The following DNAJC6 variants were observed in gnomAD, a reference collection of about 807,000 sequenced individuals.
DNAJC6 encodes the protein DnaJ heat shock protein family (Hsp40) member C6, also known as auxilin.
DNAJC6 carries 34 observed loss-of-function variants against 110.0 expected under a neutral mutation model. That is an observed-to-expected ratio of 0.31 (90% CI 0.24 to 0.41). The LOEUF (loss-of-function observed/expected upper bound fraction) is 0.41. DNAJC6 is among the 10% of genes least tolerant of loss of function. The pLI, the probability that DNAJC6 is intolerant of heterozygous loss-of-function variation, is 1.00. For synonymous variants in DNAJC6, 406 were observed against 437.2 expected (o/e 0.93, Z 0.89); for missense variants, 1,031 against 1,207.8 (o/e 0.85, Z 2.17).
At position 65,384,269 on chromosome 1, in the gene DNAJC6, C is replaced by T. The variant is rs1056086966; in HGVS notation, c.743C>T (p.Ala248Val). The T allele has an allele frequency of 3.1e-6, 5 of 1,588,688 alleles. No individual in the cohort carries two copies. The highest frequency in any genetic ancestry group is 2.7e-5 in the African/African-American group (2 of 73,492). The change falls in exon 6 of 19, where the codon GCC becomes GTC. Residue 248 changes from alanine (A) to valine (V), a missense_variant. Coordinates refer to ENST00000371069, the MANE Select transcript of DNAJC6 (RefSeq NM_001256864.2). Reference protein sequence around the residue: ...FCNLYSTPGPAIRLLYAKRPG... With the variant: ...FCNLYSTPGPVIRLLYAKRPG... ...AATCTCTACTCTACTCCTGGCCCAG[C>T]CATTCGATTGCTATATGCAAAGCGA...
chr1:65,397,429 AATC>A (rs1306569981), intron 13 of DNAJC6, among the ~76,000 whole-genome samples: 1 of 152,260 alleles, frequency 6.6e-6, no homozygotes, highest in Non-Finnish European at 1.5e-5. Context: ...ACAAATAAAT[AATC>A]ATAATAAAAG....
chr1:65,334,906 A>T (rs1052215421), intron 1 of DNAJC6, among the ~76,000 whole-genome samples: 1 of 152,186 alleles, frequency 6.6e-6, no homozygotes. Flanking sequence ...ACTTCTCATC[A>T]CCTACAAGAT....
intron 1 of DNAJC6, among the ~76,000 whole-genome samples, chr1:65,338,373 G>T (rs1487786069): frequency 6.6e-6 from 1 of 151,982 alleles, no homozygotes; most frequent in Non-Finnish European, 1.5e-5. Context: ...TGGTGGTGGT[G>T]GGGGTACTGG....
intron 14 of DNAJC6, among the ~76,000 whole-genome samples, chr1:65,400,144 C>T (rs145968904): frequency 6.1e-4 from 93 of 152,284 alleles, no homozygotes; most frequent in Non-Finnish European, 1.1e-3. Flanking sequence ...CACACCACTG[C>T]ACTCCAGCCT....
chr1:65,295,781 T>C (rs1046539081), intron 1 of DNAJC6, among the ~76,000 whole-genome samples: 3 of 152,322 alleles, frequency 2.0e-5, no homozygotes, highest in South Asian at 2.1e-4. Flanking sequence ...CGACTTAAGT[T>C]TTACTGAATT....
chr1:65,339,219 A>G (rs1298864427), intron 1 of DNAJC6, among the ~76,000 whole-genome samples: 3 of 152,164 alleles, frequency 2.0e-5, no homozygotes, highest in African/African-American at 4.8e-5. Flanking sequence ...TTGTTGTCCT[A>G]TTTCACAGAT....
At chr1:65,306,998 CTCTCTCTCTCTCTCTCTCTCTATATA>C (rs1442604371), upstream of DNAJC6, among the ~76,000 whole-genome samples, 8 of 122,846 alleles carry the variant, frequency 6.5e-5, no homozygotes, top group African/African-American at 2.5e-4. Context: ...CTCTCTCTCT[CTCTCTCTCTCTCTCTCTCTCTATATA>C]TATATATATA....
chr1:65,340,809 G>C (rs1384886482), intron 1 of DNAJC6, among the ~76,000 whole-genome samples: 3 of 152,202 alleles, frequency 2.0e-5, no homozygotes, highest in Admixed American at 2.0e-4. Context: ...GCATAGGGCT[G>C]TGGCTGTGTT....
chr1:65,408,921 T>G, intron 17 of DNAJC6, 138 bp downstream of exon 17: 2 of 1,049,544 alleles, frequency 1.9e-6, no homozygotes, highest in Non-Finnish European at 2.6e-6. Flanking sequence ...TACCATAAAC[T>G]AGGTGGCTTA....
chr1:65,329,896 T>A (rs995699119), intron 1 of DNAJC6, among the ~76,000 whole-genome samples: 5 of 152,192 alleles, frequency 3.3e-5, no homozygotes, highest in African/African-American at 9.6e-5. Flanking sequence ...CTCTCTCAGT[T>A]CTGTATCTAG....
chr1:65,325,335 A>G (rs551413085), intron 1 of DNAJC6, among the ~76,000 whole-genome samples: 2 of 152,360 alleles, frequency 1.3e-5, no homozygotes, highest in East Asian at 3.9e-4. Context: ...AAAGGAGCTT[A>G]GAAGACAGTA....
At chr1:65,360,627 A>C (rs1645588286) in intron 1 of DNAJC6, among the ~76,000 whole-genome samples, 2 of 152,174 alleles carry the variant, frequency 1.3e-5, no homozygotes, top group South Asian at 4.1e-4. Flanking sequence ...CAAAAACATG[A>C]TACAGATTTT....
intron 15 of DNAJC6, 87 bp from the exon 16 acceptor site, chr1:65,405,783 T>G (rs1646069632): frequency 6.8e-7 from 1 of 1,470,548 alleles, no homozygotes; most frequent in Admixed American, 2.3e-5. Flanking sequence ...GAATGACTAT[T>G]AAAGCCACTG....
chr1:65,312,907 CTTGTGT>C (rs927199090), intron 1 of DNAJC6, among the ~76,000 whole-genome samples: 11 of 152,064 alleles, frequency 7.2e-5, no homozygotes, highest in Non-Finnish European at 1.3e-4. Flanking sequence ...TCAGACAATT[CTTGTGT>C]TTCAGCCCCT....
At chr1:65,354,859 AT>A (rs1199081895) in intron 1 of DNAJC6, among the ~76,000 whole-genome samples, 1 of 152,148 alleles carries the variant, frequency 6.6e-6, no homozygotes, top group Non-Finnish European at 1.5e-5. Context: ...CTAATTTCCA[AT>A]TTTTTAATTG....
At chr1:65,368,491 C>T (rs192556598) in intron 4 of DNAJC6, among the ~76,000 whole-genome samples, 5 of 151,780 alleles carry the variant, frequency 3.3e-5, no homozygotes, top group African/African-American at 1.2e-4. Flanking sequence ...TCCTTCCTTC[C>T]TTCCTTCTTC....
chr1:65,406,075 G>A lies in DNAJC6; in HGVS notation c.2433G>A (p.Val811=), dbSNP rs1646073530. The change falls in exon 16 of 19, where the codon GTG becomes GTA. Residue 811 remains valine, a synonymous_variant. Coordinates refer to ENST00000371069, the MANE Select transcript of DNAJC6 (RefSeq NM_001256864.2). ...SSPQNRPNYN[V]SFSAMPGGQN... is the part of the protein sequence containing the mutation. Reference sequence around the variant, plus strand: ...CCCAGAACCGACCCAACTACAACGTGAGCTTCTCAGCCATGCCTGGGGGCC... The same window carrying A: ...CCCAGAACCGACCCAACTACAACGTAAGCTTCTCAGCCATGCCTGGGGGCC... 2 of 1,614,070 alleles carry A rather than the reference G, an allele frequency of 1.2e-6. No homozygotes were observed. The highest frequency in any genetic ancestry group is 1.7e-6 in the Non-Finnish European group (2 of 1,180,046).
chr1:65,283,707 T>G (rs1653923052), intron 1 of DNAJC6, among the ~76,000 whole-genome samples: 1 of 152,212 alleles, frequency 6.6e-6, no homozygotes, highest in Non-Finnish European at 1.5e-5. Flanking sequence ...TAAGTCCATT[T>G]TCAATTTTGA....
intron 1 of DNAJC6, among the ~76,000 whole-genome samples, chr1:65,304,411 C>T (rs1280307573): frequency 6.6e-6 from 1 of 152,174 alleles, no homozygotes; most frequent in Admixed American, 6.5e-5. Context: ...CTCTTGACAG[C>T]TGCTACTATT....
Sources: gnomAD v4.1 joint callset for allele counts (sites outside exome capture counted in the v4.1 genomes callset) on GRCh38, gnomAD v4.1.1 for gene constraint, MANE v1.5 for transcripts, NCBI Gene and HGNC (gene_info 2026-07-23, HGNC 2026-07-21) for gene names.